The following STAB2 variants were observed in gnomAD, a reference collection of about 807,000 sequenced individuals.
STAB2 encodes stabilin-2.
STAB2 carries 288 observed loss-of-function variants against 338.1 expected under a neutral mutation model. The observed-to-expected ratio is 0.85, with a 90% CI of 0.77 to 0.94. The LOEUF is 0.94. Ranked by LOEUF, STAB2 falls within the 40% of genes least tolerant of loss-of-function variation. STAB2 has a pLI of 0.00. For synonymous variants in STAB2, 1,202 were observed against 1,193.3 expected, an observed-to-expected ratio of 1.01 and a Z score of -0.15; for missense variants, 3,141 against 3,210.1, an observed-to-expected ratio of 0.98 and a Z score of 0.52.
chr12:103,663,488 C>T (rs1315103238), intron 18 of STAB2, among the ~76,000 whole-genome samples: 1 of 152,082 alleles, frequency 6.6e-6, no homozygotes, highest in Non-Finnish European at 1.5e-5. Context: ...GACAGGTGCA[C>T]ACCACCACAC....
At chr12:103,724,157 T>C (rs1218691053) in intron 44 of STAB2, among the ~76,000 whole-genome samples, 3 of 152,016 alleles carry the variant, frequency 2.0e-5, no homozygotes, top group Admixed American at 6.6e-5. Flanking sequence ...AGGATGAGGG[T>C]GTTTGGAAGT....
At chr12:103,710,981 G>A (rs1003228293) in intron 39 of STAB2, among the ~76,000 whole-genome samples, 1 of 152,166 alleles carries the variant, frequency 6.6e-6, no homozygotes, top group Admixed American at 6.5e-5. Flanking sequence ...CCTGCTGTGT[G>A]CAAAGCCCTG....
At position 103,648,714 on chromosome 12, in the gene STAB2, G is replaced by A; in HGVS notation, c.1065G>A (p.Val355=). ...RTECICQKGY[V]GDGLTCYGNI... ...GATGCATTTGCCAGAAAGGTTACGT[G>A]GGTGATGGCTTAACGTGTTATGGAA... The change falls in exon 10 of 69, where the codon GTG becomes GTA. Residue 355 remains valine (V), a synonymous_variant. Coordinates refer to ENST00000388887, the MANE Select transcript of STAB2 (RefSeq NM_017564.10). The A allele has an allele frequency of 1.2e-6, 2 of 1,614,038 alleles. No individual in the cohort carries two copies. Among genetic ancestry groups the A allele is most frequent in the Non-Finnish European group, 1.7e-6 (2 of 1,179,976 alleles).
At position 103,664,582 on chromosome 12, in the gene STAB2, C is replaced by T. The variant is rs1403992974; in HGVS notation, c.2022+1584C>T. 2.0e-5 allele frequency among the ~76,000 whole-genome samples: 3 copies of T among 152,138 alleles called. No individual in the cohort carries two copies. The East Asian group carries it at 5.8e-4, about 29-fold the overall frequency. On this transcript the variant is annotated intron_variant, in intron 18 of 68. Coordinates refer to ENST00000388887, the MANE Select transcript of STAB2 (RefSeq NM_017564.10). Reference sequence around the variant, plus strand: ...TTCTTTTCAGGATGCTTCAATAATACATTAGTGATTGCTCTGACAATATCC... The same window carrying T: ...TTCTTTTCAGGATGCTTCAATAATATATTAGTGATTGCTCTGACAATATCC...
chr12:103,681,808 G>C (rs900416194), intron 25 of STAB2, among the ~76,000 whole-genome samples: 1 of 151,694 alleles, frequency 6.6e-6, no homozygotes, highest in Non-Finnish European at 1.5e-5. Flanking sequence ...TTTTAGTAGA[G>C]ACGGGGTTTC....
chr12:103,758,142 C>T, intron 63 of STAB2, 28 bp from the exon 64 acceptor site: 1 of 1,613,570 alleles, frequency 6.2e-7, no homozygotes, highest in Non-Finnish European at 8.5e-7. Flanking sequence ...AGGGCTGGCC[C>T]CTCTGATGAC....
intron 9 of STAB2, among the ~76,000 whole-genome samples, chr12:103,646,862 G>C (rs1873373316): frequency 6.6e-6 from 1 of 152,198 alleles, no homozygotes; most frequent in South Asian, 2.1e-4. Context: ...AGTTCTGGTG[G>C]ATAGGGTTGT....
In STAB2 at chr12:103,712,379, C is replaced by T. The variant is rs2139006345; in HGVS notation, c.4347C>T (p.Asn1449=). The stretch of plus-strand genomic sequence containing the variant: ...TTCCTTGTTGCAGCTGCCTCACCAA[C>T]TCAGATGGTACAGCTTCATGCAAGT... The part of the protein sequence containing the change: ...TCHTSANCLT[N]SDGTASCKCA... Residue 1449 remains asparagine, a synonymous_variant, in exon 41 of 69, where the codon AAC becomes AAT. Coordinates refer to ENST00000388887, the MANE Select transcript of STAB2 (RefSeq NM_017564.10). The T allele has an allele frequency of 2.5e-6, 4 of 1,613,986 alleles. No individual in the cohort carries two copies. Among genetic ancestry groups the T allele is most frequent in the Non-Finnish European group, 3.4e-6 (4 of 1,179,848 alleles).
rs750589931 is a variant in STAB2, at chr12:103,622,114, A to T, written c.487+3A>T. 5 of 1,614,222 alleles carry T rather than the reference A, an allele frequency of 3.1e-6. No homozygotes were observed. Among genetic ancestry groups the T allele is most frequent in the Non-Finnish European group, 8.5e-7 (1 of 1,180,024 alleles). On this transcript the variant is annotated splice_donor_region_variant and intron_variant, in intron 5 of 68. Coordinates refer to ENST00000388887, the MANE Select transcript of STAB2 (RefSeq NM_017564.10). ...ATTTGGACCCAGCTGTTCATCAGGT[A>T]TGTCTGATTTTTGTGTAATCACCAC...
At chr12:103,643,933 A>T (rs1387287060) in intron 9 of STAB2, among the ~76,000 whole-genome samples, 1 of 96,318 alleles carries the variant, frequency 1.0e-5, no homozygotes, top group Non-Finnish European at 2.3e-5. Flanking sequence ...CTGCCCGGCC[A>T]GCCGCCCCGT....
intron 37 of STAB2, among the ~76,000 whole-genome samples, chr12:103,706,482 G>C (rs532978022): frequency 6.6e-5 from 10 of 152,114 alleles, no homozygotes; most frequent in Non-Finnish European, 1.5e-4. Context: ...AGCATCACAG[G>C]CATTATTCTT....
chr12:103,632,764 A>G (rs909487614), intron 6 of STAB2, among the ~76,000 whole-genome samples: 1 of 152,126 alleles, frequency 6.6e-6, no homozygotes, highest in Non-Finnish European at 1.5e-5. Context: ...CCCGCCTCCC[A>G]CCGTGTCCCG....
chr12:103,689,100 T>C (rs1877695755), intron 28 of STAB2, among the ~76,000 whole-genome samples: 1 of 152,120 alleles, frequency 6.6e-6, no homozygotes, highest in South Asian at 2.1e-4. Context: ...ATGAAATTTA[T>C]GTAAGGTTTT....
chr12:103,763,967 G>A (rs1049797992), intron 68 of STAB2: 4 of 172,796 alleles, frequency 2.3e-5, no homozygotes, highest in African/African-American at 9.5e-5. Context: ...GATGGAAAAA[G>A]GATTTTTCCT....
chr12:103,764,227 A>G (rs1304474393), intron 68 of STAB2, among the ~76,000 whole-genome samples: 1 of 152,254 alleles, frequency 6.6e-6, no homozygotes, highest in African/African-American at 2.4e-5. Flanking sequence ...TGCTGGGATT[A>G]CAGGCGTGAG....
intron 36 of STAB2, 93 bp downstream of exon 36, chr12:103,704,707 C>T (rs1192230503): frequency 9.8e-7 from 1 of 1,016,208 alleles, no homozygotes; most frequent in African/African-American, 1.6e-5. Flanking sequence ...TTGCACTTCC[C>T]TCATTCCTTC....
In STAB2 at chr12:103,715,868, A is replaced by G. The variant is rs1420035189; in HGVS notation, c.4591A>G (p.Thr1531Ala). The G allele has an allele frequency of 6.2e-7, 1 of 1,614,092 alleles. No homozygotes were observed. The highest frequency in any genetic ancestry group is 8.5e-7 in the Non-Finnish European group (1 of 1,179,956). Residue 1531 changes from threonine to alanine, a missense_variant, in exon 43 of 69, where the codon ACA (threonine) becomes GCA (alanine). Physicochemically the swap from Thr to Ala is moderately conservative, Grantham distance 58. Coordinates refer to ENST00000388887, the MANE Select transcript of STAB2 (RefSeq NM_017564.10). ...HGGCDKNAEC[T>A]QTGPNQAACN... Reference sequence around the variant, plus strand: ...TGGCTGTGACAAGAATGCGGAGTGCACACAGACAGGACCCAACCAGGTGAG... The same window carrying G: ...TGGCTGTGACAAGAATGCGGAGTGCGCACAGACAGGACCCAACCAGGTGAG...
chr12:103,621,585 A>G (rs977782130), intron 4 of STAB2, among the ~76,000 whole-genome samples: 4 of 152,140 alleles, frequency 2.6e-5, no homozygotes, highest in Non-Finnish European at 5.9e-5. Flanking sequence ...TACAAAAATT[A>G]TCCGGGTGTG....
chr12:103,762,521 C>G, intron 67 of STAB2, 119 bp downstream of exon 67: 1 of 1,511,372 alleles, frequency 6.6e-7, no homozygotes, highest in East Asian at 2.3e-5. Context: ...GTGTGTCACA[C>G]AGTAGCAGGG....
Sources: allele counts gnomAD v4.1 joint callset (sites outside exome capture counted in the v4.1 genomes callset), GRCh38; gene constraint gnomAD v4.1.1; transcripts MANE v1.5; gene names NCBI Gene and HGNC (gene_info 2026-07-23, HGNC 2026-07-21).